The following KIAA1755 variants were observed in gnomAD, a reference collection of about 807,000 sequenced individuals.
KIAA1755 encodes the protein uncharacterized protein KIAA1755.
A neutral mutation model predicts 91.7 loss-of-function variants in KIAA1755; 68 were observed. The observed-to-expected ratio is 0.74, with a 90% CI of 0.61 to 0.91. The LOEUF (loss-of-function observed/expected upper bound fraction) is 0.91. Among genes scored for constraint, KIAA1755 ranks in the 40% least tolerant of loss-of-function variants. The pLI is 0.00. For missense variants in KIAA1755, 1,535 were observed against 1,494.4 expected, an observed-to-expected ratio of 1.03 and a Z score of -0.45; for synonymous variants, 610 against 604.6, an observed-to-expected ratio of 1.01 and a Z score of -0.13.
chr20:38,247,285 G>A (rs930376268), intron 1 of KIAA1755, among the ~76,000 whole-genome samples: 1 of 152,122 alleles, frequency 6.6e-6, no homozygotes, highest in African/African-American at 2.4e-5. Context: ...TCTGGCAGCT[G>A]CCCTCCGCCC....
intron 5 of KIAA1755, among the ~76,000 whole-genome samples, chr20:38,230,278 C>A (rs750653184): frequency 6.6e-6 from 1 of 152,260 alleles, no homozygotes; most frequent in Non-Finnish European, 1.5e-5. Context: ...TTCACTCTCT[C>A]ATTCATTCAT....
chr20:38,222,689 C>T (rs1471915201), intron 9 of KIAA1755, 92 bp from the exon 10 acceptor site: 1 of 1,383,184 alleles, frequency 7.2e-7, no homozygotes, highest in Non-Finnish European at 9.9e-7. Context: ...GTCCAACTCC[C>T]AGTTTGGCAT....
intron 3 of KIAA1755, 142 bp downstream of exon 3, chr20:38,240,440 C>G: frequency 1.3e-6 from 1 of 772,034 alleles, no homozygotes; most frequent in Non-Finnish European, 1.9e-6. Flanking sequence ...ACTTCAAGCC[C>G]CTTAACATGC....
Position 38,213,141 on chromosome 20 carries a change from C to T in KIAA1755, c.3504G>A (p.Gln1168=). 6.2e-7 allele frequency: 1 copy of T among 1,613,000 alleles called. No homozygotes were observed. The highest frequency in any genetic ancestry group is 8.5e-7 in the Non-Finnish European group (1 of 1,179,392). Residue 1168 remains glutamine (Q), a synonymous_variant, in exon 14 of 14, where the codon CAG becomes CAA. Coordinates refer to ENST00000279024, the MANE Select transcript of KIAA1755 (RefSeq NM_001029864.2). ...FFRQQPPRQS[Q]VPRLTGGSFS... ...AGCTGCCCCCAGTGAGGCGAGGGAC[C>T]TGGCTCTGCCTGGGGGGCTGCTGCC...
rs781620000 is a variant in KIAA1755 at position 38,213,271 on chromosome 20, G to C, written c.3374C>G (p.Ser1125Cys). The change falls in exon 14 of 14, where the codon TCT becomes TGT. Residue 1125 changes from serine to cysteine, a missense_variant. By Grantham distance (112) the Ser-to-Cys change is moderately radical. Transcript: ENST00000279024. ...AGCCTGGCCAGCTTCCTGGGGTGGA[G>C]AGCCTGCCTGGAAAGTTCTGTTCTG... Reference protein sequence around the residue: ...GEQNRTFQAGSPPQEAGQAAE... With the variant: ...GEQNRTFQAGCPPQEAGQAAE... 11 of 1,613,532 alleles carry C rather than the reference G, an allele frequency of 6.8e-6. No homozygotes were observed. Among genetic ancestry groups the C allele is most frequent in the Non-Finnish European group, 9.3e-6 (11 of 1,179,992 alleles).
At chr20:38,259,491 A>G (rs2076398882) in intron 1 of KIAA1755, among the ~76,000 whole-genome samples, 2 of 149,184 alleles carry the variant, frequency 1.3e-5, no homozygotes, top group African/African-American at 5.0e-5. Flanking sequence ...GTGCATGTGT[A>G]CGTGTGTGTG....
chr20:38,215,558 C>T (rs1428620424), intron 13 of KIAA1755, among the ~76,000 whole-genome samples: 1 of 152,140 alleles, frequency 6.6e-6, no homozygotes, highest in African/African-American at 2.4e-5. Flanking sequence ...CGAGAGAGAA[C>T]CAGAGTGGGC....
At chr20:38,215,058 G>T (rs1255921544) in intron 13 of KIAA1755, among the ~76,000 whole-genome samples, 2 of 152,192 alleles carry the variant, frequency 1.3e-5, no homozygotes, top group Non-Finnish European at 2.9e-5. Context: ...CTGCACACAC[G>T]CTCCCCACCA....
At chr20:38,237,535 GA>G (rs1286715949) in intron 4 of KIAA1755, among the ~76,000 whole-genome samples, 1 of 152,072 alleles carries the variant, frequency 6.6e-6, no homozygotes, top group Admixed American at 6.6e-5. Flanking sequence ...TCTAAGCTAG[GA>G]AGAAGGGATG....
rs2076151753 is a variant in KIAA1755, at chr20:38,245,970, GGAT to G, written c.157_159del (p.Ile53del). Reference sequence around the variant, plus strand: ...ACTTGCTCACACAGGCGCTTGGCAGGGATCAGGAAATCCAGAAGGAAGCTCAGC... The same window carrying G: ...ACTTGCTCACACAGGCGCTTGGCAGGCAGGAAATCCAGAAGGAAGCTCAGC... On this transcript the variant is annotated inframe_deletion, in exon 2 of 14. Coordinates refer to ENST00000279024, the MANE Select transcript of KIAA1755 (RefSeq NM_001029864.2). The G allele has an allele frequency of 1.9e-6, 3 of 1,614,042 alleles. No homozygotes were observed. In the African/African-American group the frequency reaches 4.0e-5, roughly 22 times the overall value.
At position 38,222,523 on chromosome 20, in the gene KIAA1755, G is replaced by C; in HGVS notation, c.2343C>G (p.Leu781=). 2 of 1,613,756 alleles carry C rather than the reference G, an allele frequency of 1.2e-6. No homozygotes were observed. Among genetic ancestry groups the C allele is most frequent in the South Asian group, 1.1e-5 (1 of 91,088 alleles). The part of the protein sequence containing the change: ...AVLRDPGLLG[L]QREGGATLAR... ...CCAGGGTGGCTCCACCTTCCCGCTG[G>C]AGGCCCAGTAGGCCGGGGTCCCTCA... The change falls in exon 10 of 14, where the codon CTC becomes CTG. Residue 781 remains leucine (L), a synonymous_variant. Coordinates refer to ENST00000279024, the MANE Select transcript of KIAA1755 (RefSeq NM_001029864.2).
intron 3 of KIAA1755, 94 bp from the exon 4 acceptor site, chr20:38,239,819 A>T: frequency 8.8e-7 from 1 of 1,131,020 alleles, no homozygotes; most frequent in Non-Finnish European, 1.3e-6. Flanking sequence ...GACTAATAAT[A>T]GCTTACAACT....
intron 1 of KIAA1755, 23 bp downstream of exon 1, chr20:38,260,475 T>G: frequency 1.3e-6 from 2 of 1,507,530 alleles, no homozygotes; most frequent in Non-Finnish European, 1.8e-6. Context: ...CAGAGCGAGG[T>G]GGTCCAGGCC....
Position 38,213,762 on chromosome 20 carries a change from G to A in KIAA1755, c.2902-19C>T, listed in dbSNP as rs781125826. The A allele has an allele frequency of 1.4e-6, 2 of 1,432,748 alleles. No individual in the cohort carries two copies. Among genetic ancestry groups the A allele is most frequent in the Non-Finnish European group, 1.8e-6 (2 of 1,089,794 alleles). The allele number at this position is 1,432,748 out of a possible 1,614,324, so 88.8% of individuals were successfully genotyped here. ...AGGTCATCTGGGGGACAAGAAGAGA[G>A]GGAGGTGGGGGCTCAGGCTGGAAGT... On this transcript the variant is annotated intron_variant, in intron 13 of 13. Coordinates refer to ENST00000279024, the MANE Select transcript of KIAA1755 (RefSeq NM_001029864.2).
Position 38,240,718 on chromosome 20 carries a change from G to A in KIAA1755, c.1413C>T (p.Leu471=). 6.4e-7 allele frequency: 1 copy of A among 1,566,832 alleles called. No homozygotes were observed. Among genetic ancestry groups the A allele is most frequent in the Non-Finnish European group, 8.6e-7 (1 of 1,157,682 alleles). ...TCTGCCCTCTCAAGAATGAGAATTT[G>A]AGCCCAGGAGTGGGGGGCTCAGGGG... ...TSSPEPPTPG[L]KFSFLRGQRQ... Residue 471 remains leucine (L), a synonymous_variant, in exon 3 of 14, where the codon CTC becomes CTT. Coordinates refer to ENST00000279024, the MANE Select transcript of KIAA1755 (RefSeq NM_001029864.2).
At chr20:38,237,735 C>A (rs2075983526) in intron 4 of KIAA1755, among the ~76,000 whole-genome samples, 1 of 149,880 alleles carries the variant, frequency 6.7e-6, no homozygotes, top group Admixed American at 6.7e-5. Context: ...AAACTTGGGG[C>A]AGTGGGTGAC....
intron 12 of KIAA1755, 180 bp from the exon 13 acceptor site, chr20:38,217,654 G>C (rs2075574235): frequency 1.7e-6 from 1 of 598,380 alleles, no homozygotes; most frequent in Non-Finnish European, 3.0e-6. Context: ...CTCCTGGTGA[G>C]GGTTGAACAA....
chr20:38,218,282 C>T lies in KIAA1755; in HGVS notation c.2641G>A (p.Ala881Thr). 3 of 1,614,238 alleles carry T rather than the reference C, an allele frequency of 1.9e-6. No individual in the cohort carries two copies. The highest frequency in any genetic ancestry group is 2.5e-6 in the Non-Finnish European group (3 of 1,180,042). The change falls in exon 12 of 14, where the codon GCC becomes ACC. Residue 881 changes from alanine (A) to threonine (T), a missense_variant. Coordinates refer to ENST00000279024, the MANE Select transcript of KIAA1755 (RefSeq NM_001029864.2). ...AAGAAGTTCTCAAATTCTGCGTGGG[C>T]TTTCTCCACTGTCTCCAAACTTCCA... The part of the protein sequence containing the change: ...KDGSLETVEK[A>T]HAEFENFFLQ...
At chr20:38,249,181 C>T (rs1464382052) in intron 1 of KIAA1755, among the ~76,000 whole-genome samples, 1 of 152,108 alleles carries the variant, frequency 6.6e-6, no homozygotes, top group Non-Finnish European at 1.5e-5. Context: ...TGGTCAGAAC[C>T]ACCATTTTTC....
Sources: gnomAD v4.1 joint callset for allele counts (sites outside exome capture counted in the v4.1 genomes callset) on GRCh38, gnomAD v4.1.1 for gene constraint, MANE v1.5 for transcripts, NCBI Gene and HGNC (gene_info 2026-07-23, HGNC 2026-07-21) for gene names.